The following SPEN variants were observed in gnomAD, a reference collection of about 807,000 sequenced individuals.
The protein encoded by SPEN is spen family transcriptional repressor.
In SPEN, 18 loss-of-function variants were observed where a neutral mutation model predicts 269.9. That is an observed-to-expected ratio of 0.07 (90% confidence interval 0.05 to 0.10). The LOEUF is 0.10. Ranked by LOEUF, SPEN falls within the 10% of genes least tolerant of loss-of-function variation. The pLI is 1.00. For synonymous variants in SPEN, 1,726 were observed against 1,765.7 expected (o/e 0.98, Z 0.56); for missense variants, 3,822 against 4,631.2 (o/e 0.83, Z 5.07).
At chr1:15,918,719 G>A (rs567968196) in intron 6 of SPEN, among the ~76,000 whole-genome samples, 3 of 152,156 alleles carry the variant, frequency 2.0e-5, no homozygotes, top group Non-Finnish European at 4.4e-5. Context: ...CACATGAGAA[G>A]GATTTCATGG....
chr1:15,877,001 A>T (rs1569993836), intron 3 of SPEN, among the ~76,000 whole-genome samples: 1 of 152,202 alleles, frequency 6.6e-6, no homozygotes, highest in African/African-American at 2.4e-5. Flanking sequence ...TAACATTTTT[A>T]ATTTTGTAGG....
intron 13 of SPEN, among the ~76,000 whole-genome samples, chr1:15,938,220 C>T (rs963499001): frequency 1.3e-5 from 2 of 152,226 alleles, no homozygotes; most frequent in Non-Finnish European, 2.9e-5. Flanking sequence ...TCTCTTGCCT[C>T]AGCCTCCTGA....
chr1:15,859,427 G>C (rs527388678), intron 1 of SPEN, among the ~76,000 whole-genome samples: 49 of 142,754 alleles, frequency 3.4e-4, no homozygotes, highest in Non-Finnish European at 6.2e-4. Context: ...GCGGGATCTC[G>C]GCTCACTGCA....
chr1:15,936,609 A>G (rs1384854722), intron 11 of SPEN, among the ~76,000 whole-genome samples: 1 of 147,300 alleles, frequency 6.8e-6, no homozygotes, highest in African/African-American at 2.5e-5. Context: ...AGGTCGTGCC[A>G]CTAGGCTCCA....
At position 15,937,593 on chromosome 1, in the gene SPEN, C is replaced by G. The variant is rs750484353; in HGVS notation, c.10457C>G (p.Ser3486Cys). 1.2e-6 allele frequency: 2 copies of G among 1,614,046 alleles called. No homozygotes were observed. Among genetic ancestry groups the G allele is most frequent in the East Asian group, 2.2e-5 (1 of 44,894 alleles). ...TEFQPAPKQD[S>C]SPHLTSQRPV... ...TTCCAGCCAGCCCCCAAACAAGATTCCTCTCCACACCTGACTTCCCAGAGA... is the reference window on the plus strand; with the variant it reads ...TTCCAGCCAGCCCCCAAACAAGATTGCTCTCCACACCTGACTTCCCAGAGA... The change falls in exon 12 of 15, where the codon TCC becomes TGC. Residue 3486 changes from serine (S) to cysteine (C), a missense_variant. Around this residue, in one of 16 missense-constraint regions of SPEN, gnomAD observed 359 missense variants for 377.3 expected, o/e 0.95. Transcript: ENST00000375759. This position sits in a 1 kb window ranked among gnomAD's most constrained non-coding sequence, Gnocchi z 5.7.
At chr1:15,901,348 T>TA (rs898683453) in intron 3 of SPEN, among the ~76,000 whole-genome samples, 3,075 of 144,366 alleles carry the variant, frequency 0.021, 94 homozygotes, top group African/African-American at 0.073. Context: ...AAAATAAAAA[T>TA]AAAAAAAAAA....
At chr1:15,874,164 G>A (rs1557739135) in intron 2 of SPEN, 1 of 1,366,394 alleles carries the variant, frequency 7.3e-7, no homozygotes, top group Non-Finnish European at 9.8e-7. Context: ...AAAGAAGTCT[G>A]GGGGTTTGAG....
chr1:15,935,485 A>C lies in SPEN; in HGVS notation c.9245A>C (p.His3082Pro). The stretch of plus-strand genomic sequence containing the variant: ...GAGCAGTCTGTCATCATGCCACCCC[A>C]CAGCATCACCCAGACTGTGTCCCTG... ...HPEQSVIMPP[H>P]SITQTVSLSH... Residue 3082 changes from histidine (H) to proline (P), a missense_variant, in exon 11 of 15, where the codon CAC becomes CCC. Around this residue, in one of 16 missense-constraint regions of SPEN, gnomAD observed 153 missense variants for 228.5 expected, o/e 0.67. Coordinates refer to ENST00000375759, the MANE Select transcript of SPEN (RefSeq NM_015001.3). This position sits in a 1 kb window ranked among gnomAD's most constrained non-coding sequence, Gnocchi z 7.7. 1 of 1,613,768 alleles carries C rather than the reference A, an allele frequency of 6.2e-7. No individual in the cohort carries two copies. Among genetic ancestry groups the C allele is most frequent in the Non-Finnish European group, 8.5e-7 (1 of 1,179,900 alleles).
chr1:15,931,697 C>G lies in SPEN; in HGVS notation c.5457C>G (p.Asn1819Lys), dbSNP rs375502345. 4.3e-6 allele frequency: 7 copies of G among 1,614,048 alleles called. No individual in the cohort carries two copies. The highest frequency in any genetic ancestry group is 5.9e-6 in the Non-Finnish European group (7 of 1,180,050). The stretch of plus-strand genomic sequence containing the variant: ...TTGCTGCAAAGGATAAAAAGCCAAA[C>G]AAAAGCAAGCGTTCAAAGACCCCTG... ...PPVAAKDKKPNKSKRSKTPVQ... is the reference protein window; with the variant it reads ...PPVAAKDKKPKKSKRSKTPVQ... The change falls in exon 11 of 15, where the codon AAC (asparagine) becomes AAG (lysine). Residue 1819 changes from asparagine (N) to lysine (K), a missense_variant. By Grantham distance (94) the Asn-to-Lys change is moderately conservative. This residue lies in a region of SPEN where 533 missense variants were observed against 618.8 expected (regional missense o/e 0.86). Transcript: ENST00000375759. This position sits in a 1 kb window ranked among gnomAD's most constrained non-coding sequence, Gnocchi z 4.8.
At chr1:15,910,769 C>G (rs2071005407) in intron 4 of SPEN, among the ~76,000 whole-genome samples, 1 of 151,970 alleles carries the variant, frequency 6.6e-6, no homozygotes, top group African/African-American at 2.4e-5. Context: ...AACAAAATAA[C>G]CAATACTATC....
At chr1:15,867,940 C>T (rs1030632993) in intron 1 of SPEN, among the ~76,000 whole-genome samples, 5 of 151,980 alleles carry the variant, frequency 3.3e-5, no homozygotes, top group Admixed American at 6.6e-5. Flanking sequence ...ATCAAGCAAT[C>T]CTCCTGCTTC....
chr1:15,855,476 C>T (rs1414657614), intron 1 of SPEN, among the ~76,000 whole-genome samples: 2 of 151,920 alleles, frequency 1.3e-5, no homozygotes, highest in Non-Finnish European at 2.9e-5. Flanking sequence ...TTGCAGTTTA[C>T]AAAACTATAT....
At chr1:15,878,091 A>G (rs1189341147) in intron 3 of SPEN, among the ~76,000 whole-genome samples, 1 of 152,098 alleles carries the variant, frequency 6.6e-6, no homozygotes, top group Non-Finnish European at 1.5e-5. Context: ...TATTGTGAAA[A>G]TTAAAATGAA....
intron 3 of SPEN, among the ~76,000 whole-genome samples, chr1:15,901,047 GT>G (rs557932243): frequency 2.0e-4 from 30 of 151,666 alleles, no homozygotes; most frequent in African/African-American, 7.0e-4. Context: ...ATTTTTTGGA[GT>G]AAAAAAAAAA....
Position 15,937,110 on chromosome 1 carries a change from G to T in SPEN, c.10027-53G>T. 1 of 1,564,224 alleles carries T rather than the reference G, an allele frequency of 6.4e-7. No individual in the cohort carries two copies. Among genetic ancestry groups the T allele is most frequent in the Non-Finnish European group, 8.7e-7 (1 of 1,152,034 alleles). On this transcript the variant is annotated intron_variant, in intron 11 of 14. Coordinates refer to ENST00000375759, the MANE Select transcript of SPEN (RefSeq NM_015001.3). The surrounding 1 kb of genome is among the most constrained non-coding windows in gnomAD (Gnocchi z 5.7). Reference sequence around the variant, plus strand: ...CTTTGGGTCATTTGTTGGTCTCAGGGGCTTGTGCACAACAGACTGACTCTG... The same window carrying T: ...CTTTGGGTCATTTGTTGGTCTCAGGTGCTTGTGCACAACAGACTGACTCTG...
At chr1:15,851,841 G>A (rs1021321429) in intron 1 of SPEN, among the ~76,000 whole-genome samples, 3 of 152,150 alleles carry the variant, frequency 2.0e-5, no homozygotes, top group Admixed American at 6.5e-5. Context: ...AAATTAGCCA[G>A]GTGTGGTGGT....
Position 15,933,931 on chromosome 1 carries a change from C to T in SPEN, c.7691C>T (p.Ala2564Val). ...VTTAIAEPVS[A>V]APCLHEAPPP... Reference sequence around the variant, plus strand: ...ACAGCCATTGCAGAGCCTGTCAGTGCTGCCCCTTGCCTACATGAGGCCCCG... The same window carrying T: ...ACAGCCATTGCAGAGCCTGTCAGTGTTGCCCCTTGCCTACATGAGGCCCCG... The change falls in exon 11 of 15, where the codon GCT (alanine) becomes GTT (valine). Residue 2564 changes from alanine to valine, a missense_variant. Around this residue, in one of 16 missense-constraint regions of SPEN, gnomAD observed 727 missense variants for 737.9 expected, o/e 0.99. Transcript: ENST00000375759. The surrounding 1 kb of genome is among the most constrained non-coding windows in gnomAD (Gnocchi z 5.7). 1.2e-6 allele frequency: 2 copies of T among 1,614,030 alleles called. No homozygotes were observed. Among genetic ancestry groups the T allele is most frequent in the East Asian group, 2.2e-5 (1 of 44,868 alleles).
chr1:15,931,169 A>G lies in SPEN; in HGVS notation c.4929A>G (p.Thr1643=). 6.2e-7 allele frequency: 1 copy of G among 1,614,250 alleles called. No homozygotes were observed. The highest frequency in any genetic ancestry group is 1.6e-4 in the Middle Eastern group (1 of 6,062). Residue 1643 remains threonine, a synonymous_variant, in exon 11 of 15, where the codon ACA becomes ACG. Coordinates refer to ENST00000375759, the MANE Select transcript of SPEN (RefSeq NM_015001.3). The surrounding 1 kb of genome is among the most constrained non-coding windows in gnomAD (Gnocchi z 4.8). The part of the protein sequence containing the change: ...TPPSVGPPSV[T]VVTLESAPSA... ...CTTCCGTTGGGCCTCCAAGTGTCAC[A>G]GTCGTAACTCTAGAATCAGCCCCAT...
chr1:15,877,391 C>T (rs1478749204), intron 3 of SPEN, among the ~76,000 whole-genome samples: 1 of 152,126 alleles, frequency 6.6e-6, no homozygotes, highest in Non-Finnish European at 1.5e-5. Flanking sequence ...GCCTCAGCCT[C>T]CCAAGTAGCT....
Sources: gnomAD v4.1 joint callset for allele counts (sites outside exome capture counted in the v4.1 genomes callset) on GRCh38, gnomAD v4.1.1 for gene constraint, gnomAD v4.1.1 regional missense constraint, Gnocchi (gnomAD v3.1) non-coding constraint, MANE v1.5 for transcripts, NCBI Gene and HGNC (gene_info 2026-07-23, HGNC 2026-07-21) for gene names.